The following ATP2A2 variants were observed in gnomAD, a reference collection of about 807,000 sequenced individuals.
ATP2A2 encodes ATPase sarcoplasmic/endoplasmic reticulum Ca2+ transporting 2, also known as sarcoplasmic/endoplasmic reticulum calcium ATPase 2.
ATP2A2 carries 14 observed loss-of-function variants against 109.3 expected under a neutral mutation model. The observed-to-expected ratio is 0.13, with a 90% CI of 0.08 to 0.20. The LOEUF is 0.20. Ranked by LOEUF, ATP2A2 falls within the 10% of genes least tolerant of loss-of-function variation. The pLI is 1.00. For missense variants in ATP2A2, 657 were observed against 1,321.6 expected, an observed-to-expected ratio of 0.50 and a Z score of 7.80; for synonymous variants, 506 against 490.9, an observed-to-expected ratio of 1.03 and a Z score of -0.41.
rs539226453 is a variant in ATP2A2 at position 110,349,932 on chromosome 12, C to T, written c.*3462C>T. ...GAAGGCTGTGCTGCTACTGGCTGCT[C>T]ACTTCTCCATCAACCTCACCCTCTG... is the stretch of plus-strand genomic sequence containing the variant. On this transcript the variant is annotated 3_prime_UTR_variant, in exon 20 of 20. Transcript: ENST00000539276. 1,019 of 1,161,846 alleles carry T rather than the reference C, an allele frequency of 8.8e-4. 2 individuals carry two copies. The highest frequency in any genetic ancestry group is 9.1e-4 in the Non-Finnish European group (849 of 935,754). The allele number at this position is 1,161,846 out of a possible 1,614,324, so 72.0% of individuals were successfully genotyped here. A position where few individuals can be genotyped will look rare whatever the true frequency, so the allele number is the denominator to read the frequency against.
chr12:110,346,287 G>A lies in ATP2A2; in HGVS notation c.2946G>A (p.Thr982=), dbSNP rs755788872. The A allele has an allele frequency of 1.5e-5, 25 of 1,614,032 alleles. No homozygotes were observed. Among genetic ancestry groups the A allele is most frequent in the South Asian group, 2.2e-5 (2 of 91,082 alleles). ...TGCCCGTGATTCTCATGGATGAGACGCTCAAGTTTGTGGCCCGCAACTACC... is the reference window on the plus strand; with the variant it reads ...TGCCCGTGATTCTCATGGATGAGACACTCAAGTTTGTGGCCCGCAACTACC... The part of the protein sequence containing the change: ...ISLPVILMDE[T]LKFVARNYLE... Residue 982 remains threonine, a synonymous_variant, in exon 20 of 20, where the codon ACG becomes ACA. Coordinates refer to ENST00000539276, the MANE Select transcript of ATP2A2 (RefSeq NM_170665.4).
In ATP2A2 at chr12:110,343,265, G is replaced by A; in HGVS notation, c.2352G>A (p.Glu784=). The change falls in exon 16 of 20, where the codon GAG becomes GAA. Residue 784 remains glutamate (E), a synonymous_variant. Transcript: ENST00000539276. ...TGACAGCAGCCCTTGGATTTCCCGA[G>A]GCTTTGATTCCTGTTCAGCTGCTCT... ...IFLTAALGFP[E]ALIPVQLLWV... 1 of 1,614,080 alleles carries A rather than the reference G, an allele frequency of 6.2e-7. No homozygotes were observed. The highest frequency in any genetic ancestry group is 8.5e-7 in the Non-Finnish European group (1 of 1,180,020).
chr12:110,317,643 G>T (rs1592833294), intron 5 of ATP2A2, among the ~76,000 whole-genome samples: 1 of 152,186 alleles, frequency 6.6e-6, no homozygotes, highest in African/African-American at 2.4e-5. Flanking sequence ...CTCCCAAAGT[G>T]CTGGGATTAC....
intron 5 of ATP2A2, among the ~76,000 whole-genome samples, chr12:110,306,711 G>T (rs138613707): frequency 1.3e-5 from 2 of 152,204 alleles, no homozygotes; most frequent in Non-Finnish European, 2.9e-5. Context: ...TGGCTGCGTA[G>T]TATCACATGG....
At position 110,346,562 on chromosome 12, in the gene ATP2A2, G is replaced by A; in HGVS notation, c.*92G>A. On this transcript the variant is annotated 3_prime_UTR_variant, in exon 20 of 20. Coordinates refer to ENST00000539276, the MANE Select transcript of ATP2A2 (RefSeq NM_170665.4). The stretch of plus-strand genomic sequence containing the variant: ...GTCTATTTCTGCTGAATTTTCACAT[G>A]AACATACTGGCTGGTGATGGAGGTT... 1 of 1,567,196 alleles carries A rather than the reference G, an allele frequency of 6.4e-7. No individual in the cohort carries two copies.
At chr12:110,292,756 C>T (rs1452478357) in intron 4 of ATP2A2, among the ~76,000 whole-genome samples, 1 of 152,148 alleles carries the variant, frequency 6.6e-6, no homozygotes, top group African/African-American at 2.4e-5. Flanking sequence ...CACTGCACTC[C>T]AGTCTGGGCA....
intron 5 of ATP2A2, among the ~76,000 whole-genome samples, chr12:110,318,924 TGATA>T (rs1876949551): frequency 6.6e-6 from 1 of 152,216 alleles, no homozygotes; most frequent in South Asian, 2.1e-4. Context: ...TTGGTGTGCC[TGATA>T]GATGAGAAAC....
At chr12:110,286,980 G>C (rs185360680) in intron 3 of ATP2A2, among the ~76,000 whole-genome samples, 1 of 152,154 alleles carries the variant, frequency 6.6e-6, no homozygotes, top group East Asian at 1.9e-4. Flanking sequence ...CGGGTGCAGT[G>C]AGTGGCTCAT....
intron 5 of ATP2A2, among the ~76,000 whole-genome samples, chr12:110,302,271 TC>T (rs551184271): frequency 1.2e-4 from 18 of 152,176 alleles, no homozygotes; most frequent in Admixed American, 2.0e-4. Context: ...AACACTGACT[TC>T]CAGTTCCCCT....
In ATP2A2 at chr12:110,347,753, G is replaced by T; in HGVS notation, c.*1283G>T. 9.3e-7 allele frequency: 1 copy of T among 1,075,530 alleles called. No homozygotes were observed. The highest frequency in any genetic ancestry group is 2.7e-5 in the South Asian group (1 of 37,334). 66.6% of individuals were successfully genotyped at this position (1,075,530 alleles called of 1,614,324 possible). On this transcript the variant is annotated 3_prime_UTR_variant, in exon 20 of 20. Coordinates refer to ENST00000539276, the MANE Select transcript of ATP2A2 (RefSeq NM_170665.4). ...TAAGTCATTAACAGTCCTAACTGTG[G>T]TGTTTTCCTCCAATGCCTTCCAACA...
chr12:110,345,021 C>G, intron 17 of ATP2A2, 50 bp downstream of exon 17: 1 of 1,578,698 alleles, frequency 6.3e-7, no homozygotes, highest in South Asian at 1.1e-5. Context: ...TGTTGTGAGG[C>G]CTTGACCTTT....
In ATP2A2 at chr12:110,332,372, C is replaced by T. The variant is rs150204650; in HGVS notation, c.1096-225C>T. 7.9e-4 allele frequency: 430 copies of T among 546,988 alleles called. 2 individuals carry two copies. The highest frequency in any genetic ancestry group is 1.2e-3 in the Non-Finnish European group (362 of 302,380). The allele number at this position is 546,988 out of a possible 1,614,324, so 33.9% of individuals were successfully genotyped here. On this transcript the variant is annotated intron_variant, in intron 8 of 19. Coordinates refer to ENST00000539276, the MANE Select transcript of ATP2A2 (RefSeq NM_170665.4). ...CAGTGATGCTGTTTTTCATACTGTT[C>T]GATTGGTCGGGGGTGTGATGGGCGA...
At chr12:110,293,826 A>ATATGTGTGTGTGTG (rs1482730636) in intron 4 of ATP2A2, among the ~76,000 whole-genome samples, 2 of 108,568 alleles carry the variant, frequency 1.8e-5, no homozygotes, top group African/African-American at 7.8e-5. Flanking sequence ...TGCCATATAT[A>ATATGTGTGTGTGTG]TGTGTGTGTG....
chr12:110,294,473 AACATG>A (rs998345476), intron 4 of ATP2A2, among the ~76,000 whole-genome samples: 7 of 152,236 alleles, frequency 4.6e-5, no homozygotes, highest in African/African-American at 1.7e-4. Flanking sequence ...CAGCCTGGCC[AACATG>A]GCAAGTCCCC....
At chr12:110,294,339 G>A (rs1376437603) in intron 4 of ATP2A2, among the ~76,000 whole-genome samples, 1 of 152,048 alleles carries the variant, frequency 6.6e-6, no homozygotes, top group Non-Finnish European at 1.5e-5. Flanking sequence ...CACTGTGCCT[G>A]GCCTTCTTCT....
chr12:110,286,604 T>A (rs937917026), intron 3 of ATP2A2, among the ~76,000 whole-genome samples: 2 of 152,250 alleles, frequency 1.3e-5, no homozygotes, highest in Middle Eastern at 3.4e-3. Context: ...TCCGTTTTAT[T>A]AATGACTGAA....
intron 5 of ATP2A2, among the ~76,000 whole-genome samples, chr12:110,316,532 T>C (rs1251267917): frequency 6.6e-6 from 1 of 152,242 alleles, no homozygotes; most frequent in Non-Finnish European, 1.5e-5. Context: ...AAAGGAAATA[T>C]GTGTGCCAAA....
rs750190840 is a variant in ATP2A2 at position 110,340,646 on chromosome 12, G to T, written c.1762-13G>T. 1.9e-6 allele frequency: 3 copies of T among 1,613,826 alleles called. No individual in the cohort carries two copies. In the African/African-American group the frequency reaches 4.0e-5, roughly 22 times the overall value. ...ACTTGCCACTTTTATTTAAAGTGAT[G>T]CTCTTATTTTAGACCAATCTGACCT... On this transcript the variant is annotated splice_polypyrimidine_tract_variant and intron_variant, in intron 13 of 19. Coordinates refer to ENST00000539276, the MANE Select transcript of ATP2A2 (RefSeq NM_170665.4). This position sits in a 1 kb window ranked among gnomAD's most constrained non-coding sequence, Gnocchi z 6.0.
At chr12:110,344,784 C>T in intron 16 of ATP2A2, 102 bp from the exon 17 acceptor site, 1 of 1,152,068 alleles carries the variant, frequency 8.7e-7, no homozygotes, top group Non-Finnish European at 1.3e-6. Flanking sequence ...ATCACTGTCC[C>T]ATGTCTTTGA....
Sources: allele counts gnomAD v4.1 joint callset (sites outside exome capture counted in the v4.1 genomes callset), GRCh38; gene constraint gnomAD v4.1.1; non-coding constraint Gnocchi (gnomAD v3.1); transcripts MANE v1.5; gene names NCBI Gene and HGNC (gene_info 2026-07-23, HGNC 2026-07-21).